Variants in PAK2 observed in about 807,000 individuals in gnomAD.
The protein encoded by PAK2 is p21 (RAC1) activated kinase 2.
In PAK2, 21 loss-of-function variants were observed where a neutral mutation model predicts 65.9. The observed-to-expected ratio is 0.32, with a 90% CI of 0.23 to 0.46. PAK2 has a LOEUF of 0.46. Among genes scored for constraint, PAK2 ranks in the 20% least tolerant of loss-of-function variants. PAK2 has a pLI of 1.00. For missense variants in PAK2, 324 were observed against 642.6 expected, an observed-to-expected ratio of 0.50 and a Z score of 5.36; for synonymous variants, 204 against 219.7, an observed-to-expected ratio of 0.93 and a Z score of 0.63.
intron 1 of PAK2, among the ~76,000 whole-genome samples, chr3:196,753,604 C>T (rs1425660696): frequency 6.6e-6 from 1 of 152,156 alleles, no homozygotes; most frequent in African/African-American, 2.4e-5. Context: ...CATTTAAATT[C>T]ATTAGTCATG....
At chr3:196,801,549 A>G (rs1018220029) in intron 2 of PAK2, among the ~76,000 whole-genome samples, 2 of 152,204 alleles carry the variant, frequency 1.3e-5, no homozygotes, top group Non-Finnish European at 2.9e-5. Context: ...GGAAAAATAT[A>G]AACATAATAT....
In PAK2 at chr3:196,830,285, A is replaced by G. The variant is rs1712030215; in HGVS notation, c.*1880A>G. 1 of 152,238 alleles carries G rather than the reference A, an allele frequency of 6.6e-6. No individual in the cohort carries two copies. Among genetic ancestry groups the G allele is most frequent in the Non-Finnish European group, 1.5e-5 (1 of 68,042 alleles). The allele number at this position is 152,238 out of a possible 1,614,324, so 9.4% of individuals were successfully genotyped here. On this transcript the variant is annotated 3_prime_UTR_variant, in exon 15 of 15. Coordinates refer to ENST00000327134, the MANE Select transcript of PAK2 (RefSeq NM_002577.4). Reference sequence around the variant, plus strand: ...GCACTTAATGGTCTCTGTTTTCAATATAATTCTTGATTTCATTTTTCTCTG... The same window carrying G: ...GCACTTAATGGTCTCTGTTTTCAATGTAATTCTTGATTTCATTTTTCTCTG...
intron 1 of PAK2, among the ~76,000 whole-genome samples, chr3:196,742,604 T>G (rs1713237389): frequency 6.6e-6 from 1 of 152,174 alleles, no homozygotes; most frequent in Non-Finnish European, 1.5e-5. Context: ...TTTTACACTT[T>G]TGGTTAAAAT....
intron 8 of PAK2, among the ~76,000 whole-genome samples, 171 bp from the exon 9 acceptor site, chr3:196,812,048 C>CT (rs1271792210): frequency 2.0e-5 from 3 of 152,004 alleles, no homozygotes; most frequent in Non-Finnish European, 4.4e-5. Flanking sequence ...AGGATTGTCT[C>CT]TTTCTTCCCC....
chr3:196,775,987 G>A (rs1320343401), intron 1 of PAK2, among the ~76,000 whole-genome samples: 2 of 152,120 alleles, frequency 1.3e-5, no homozygotes, highest in Non-Finnish European at 2.9e-5. Flanking sequence ...TGCCACCTCC[G>A]TAAAACATCA....
At position 196,766,381 on chromosome 3, in the gene PAK2, A is replaced by G. The variant is rs374017037; in HGVS notation, c.-21-16245A>G. Among the ~76,000 whole-genome samples, 3 of 152,184 alleles carry G rather than the reference A, an allele frequency of 2.0e-5. No homozygotes were observed. In the East Asian group the frequency reaches 5.8e-4, roughly 29 times the overall value. ...AGTGTTTGCTAACTGTGTAATACAT[A>G]TAATACAAAAAGTTACCATTATAGA... On this transcript the variant is annotated intron_variant, in intron 1 of 14. Transcript: ENST00000327134.
At chr3:196,824,435 A>G (rs183268118) in intron 13 of PAK2, among the ~76,000 whole-genome samples, 2 of 152,350 alleles carry the variant, frequency 1.3e-5, no homozygotes, top group East Asian at 3.9e-4. Context: ...ACAGAAGTTC[A>G]TTAAAACAAT....
chr3:196,802,070 G>A, intron 3 of PAK2, 43 bp downstream of exon 3: 1 of 963,724 alleles, frequency 1.0e-6, no homozygotes, highest in Non-Finnish European at 1.7e-6. Flanking sequence ...GTTTAAAATA[G>A]CACTCAAACA....
chr3:196,742,099 C>CTT (rs60738699), intron 1 of PAK2, among the ~76,000 whole-genome samples: 60,660 of 128,780 alleles, frequency 0.47, 15,072 homozygotes, highest in Non-Finnish European at 0.53. Context: ...ATTAATATTT[C>CTT]TTTTTTTTTT....
intron 1 of PAK2, among the ~76,000 whole-genome samples, chr3:196,768,266 CTCTT>C (rs1254223509): frequency 2.0e-5 from 3 of 151,860 alleles, no homozygotes; most frequent in East Asian, 1.9e-4. Flanking sequence ...ATTTTTTACT[CTCTT>C]TGTTTTGATT....
chr3:196,762,807 A>G (rs75420194), intron 1 of PAK2, among the ~76,000 whole-genome samples: 12 of 139,656 alleles, frequency 8.6e-5, no homozygotes, highest in South Asian at 4.5e-4. Flanking sequence ...AAAAAAAAAA[A>G]AAGAAGAAAA....
chr3:196,811,371 C>T (rs1343777635), intron 8 of PAK2, among the ~76,000 whole-genome samples: 2 of 43,884 alleles, frequency 4.6e-5, no homozygotes, highest in Non-Finnish European at 8.3e-5. Context: ...TCCCTTCCTT[C>T]TCTTCCTTCC....
intron 1 of PAK2, among the ~76,000 whole-genome samples, chr3:196,772,128 A>C (rs1714379615): frequency 6.6e-6 from 1 of 152,180 alleles, no homozygotes; most frequent in South Asian, 2.1e-4. Flanking sequence ...CACCATTTTC[A>C]AAATGCTAAA....
intron 7 of PAK2, among the ~76,000 whole-genome samples, chr3:196,809,233 G>A (rs1020454728): frequency 1.3e-4 from 20 of 150,632 alleles, no homozygotes; most frequent in African/African-American, 4.9e-4. Flanking sequence ...GGGTGACAGA[G>A]TGAGACCCTG....
rs902857897 is a variant in PAK2, at chr3:196,829,226, C to G, written c.*821C>G. 1 of 152,624 alleles carries G rather than the reference C, an allele frequency of 6.6e-6. No individual in the cohort carries two copies. Among genetic ancestry groups the G allele is most frequent in the Non-Finnish European group, 1.5e-5 (1 of 68,036 alleles). The allele number at this position is 152,624 out of a possible 1,614,324, so 9.5% of individuals were successfully genotyped here. ...CTGCCTGTTTCCCCTTCAGGCTTGG[C>G]TCTAGGAACCAAAGTGATTTGTTGT... On this transcript the variant is annotated 3_prime_UTR_variant, in exon 15 of 15. Coordinates refer to ENST00000327134, the MANE Select transcript of PAK2 (RefSeq NM_002577.4).
At chr3:196,803,185 T>A in intron 4 of PAK2, 21 bp downstream of exon 4, 1 of 1,556,042 alleles carries the variant, frequency 6.4e-7, no homozygotes, top group Non-Finnish European at 8.7e-7. Flanking sequence ...GGCATAAGGC[T>A]GGATCAGATG....
chr3:196,804,602 A>G (rs552914048), intron 4 of PAK2, among the ~76,000 whole-genome samples: 2 of 152,018 alleles, frequency 1.3e-5, no homozygotes, highest in South Asian at 4.2e-4. Context: ...TGAGTAGCTG[A>G]GATTACAAGC....
At chr3:196,745,573 G>A (rs993586889) in intron 1 of PAK2, among the ~76,000 whole-genome samples, 1 of 152,098 alleles carries the variant, frequency 6.6e-6, no homozygotes, top group Non-Finnish European at 1.5e-5. Flanking sequence ...CAGCACTTTG[G>A]GAGGCCTAGG....
chr3:196,802,311 G>T (rs957949039), intron 3 of PAK2, among the ~76,000 whole-genome samples: 1 of 152,118 alleles, frequency 6.6e-6, no homozygotes, highest in African/African-American at 2.4e-5. Flanking sequence ...TGAGGCAGGG[G>T]AATCATTTGA....
Sources: gnomAD v4.1 joint callset for allele counts (sites outside exome capture counted in the v4.1 genomes callset) on GRCh38, gnomAD v4.1.1 for gene constraint, MANE v1.5 for transcripts, NCBI Gene and HGNC (gene_info 2026-07-23, HGNC 2026-07-21) for gene names.